C4BPA: variants seen among roughly 807,000 people sequenced by gnomAD.
C4BPA encodes C4b-binding protein alpha chain.
Under a neutral mutation model 63.7 loss-of-function variants are expected in C4BPA, and 31 were observed. The observed-to-expected ratio is 0.49, with a 90% CI of 0.37 to 0.66. C4BPA has a LOEUF of 0.66. Ranked by LOEUF, C4BPA falls within the 30% of genes least tolerant of loss-of-function variation. The pLI, the probability that C4BPA is intolerant of heterozygous loss-of-function variation, is 0.00. For missense variants in C4BPA, 572 were observed against 723.3 expected, an observed-to-expected ratio of 0.79 and a Z score of 2.40; for synonymous variants, 259 against 254.7, an observed-to-expected ratio of 1.02 and a Z score of -0.16.
At chr1:207,107,287 C>A (rs1454640713) in intron 1 of C4BPA, among the ~76,000 whole-genome samples, 1 of 152,162 alleles carries the variant, frequency 6.6e-6, no homozygotes, top group Non-Finnish European at 1.5e-5. Context: ...GTGGCTCACG[C>A]CTATAATTCC....
chr1:207,144,312 A>G (rs971570871), intron 11 of C4BPA, among the ~76,000 whole-genome samples: 2 of 152,192 alleles, frequency 1.3e-5, no homozygotes, highest in African/African-American at 4.8e-5. Context: ...ATGGTCAGCA[A>G]AAACAGCCTC....
intron 4 of C4BPA, among the ~76,000 whole-genome samples, chr1:207,116,097 T>C (rs967678278): frequency 1.3e-5 from 2 of 152,224 alleles, no homozygotes; most frequent in Non-Finnish European, 2.9e-5. Flanking sequence ...ATTTGAAAGA[T>C]ATTGTCAGAC....
chr1:207,125,633 C>T lies in C4BPA; in HGVS notation c.707-1080C>T, dbSNP rs77288011. ...TTTCATCCCTTCCCCCATGTGAGGA[C>T]GCAGCAAGAAGGCACCATCTTGAAA... On this transcript the variant is annotated intron_variant, in intron 6 of 11. Coordinates refer to ENST00000367070, the MANE Select transcript of C4BPA (RefSeq NM_000715.4). 4.7e-4 allele frequency among the ~76,000 whole-genome samples: 72 copies of T among 152,164 alleles called. 1 individual carries two copies. The East Asian group carries it at 0.01, about 22-fold the overall frequency.
At chr1:207,128,503 A>T (rs1317810242) in intron 7 of C4BPA, among the ~76,000 whole-genome samples, 2 of 152,186 alleles carry the variant, frequency 1.3e-5, no homozygotes, top group Non-Finnish European at 2.9e-5. Context: ...GAAGCATATT[A>T]TGCCCCAGGG....
intron 4 of C4BPA, among the ~76,000 whole-genome samples, chr1:207,116,400 T>G (rs980993565): frequency 2.0e-4 from 31 of 152,042 alleles, no homozygotes; most frequent in Non-Finnish European, 3.8e-4. Context: ...CTTTTTATTC[T>G]TAAGTTTTAG....
intron 9 of C4BPA, among the ~76,000 whole-genome samples, chr1:207,139,068 A>T (rs572738331): frequency 6.6e-6 from 1 of 152,330 alleles, no homozygotes; most frequent in Non-Finnish European, 1.5e-5. Flanking sequence ...TGACATGGGC[A>T]AGAGGGTTAT....
intron 9 of C4BPA, among the ~76,000 whole-genome samples, chr1:207,136,711 G>T (rs1020363557): frequency 1.3e-5 from 2 of 152,166 alleles, no homozygotes; most frequent in Non-Finnish European, 2.9e-5. Flanking sequence ...TTCAAAATAT[G>T]CTGAATTGGT....
At position 207,131,731 on chromosome 1, in the gene C4BPA, G is replaced by T. The variant is rs1685165857; in HGVS notation, c.1075G>T (p.Gly359Ter). The change falls in exon 8 of 12, where the codon GGA becomes TGA. Residue 359 changes from glycine (G) to a stop codon, truncating the protein, a stop_gained. Coordinates refer to ENST00000367070, the MANE Select transcript of C4BPA (RefSeq NM_000715.4). LOFTEE classifies it high-confidence loss of function. ...AAATTTGAGATGGACCCCATACCAA[G>T]GATGTGAGGGTGAGTTTTTGTTTTT... ...QKNLRWTPYQ[G>*]CEALCCPEPK... The T allele has an allele frequency of 6.2e-7, 1 of 1,607,354 alleles. No homozygotes were observed. The highest frequency in any genetic ancestry group is 8.5e-7 in the Non-Finnish European group (1 of 1,177,292).
At chr1:207,129,603 G>A (rs560854085) in intron 7 of C4BPA, among the ~76,000 whole-genome samples, 8 of 152,246 alleles carry the variant, frequency 5.3e-5, no homozygotes, top group Admixed American at 2.6e-4. Context: ...CATGTACAAT[G>A]TAACCCCAGT....
intron 8 of C4BPA, among the ~76,000 whole-genome samples, chr1:207,134,168 A>G (rs1685228715): frequency 1.3e-5 from 2 of 152,180 alleles, no homozygotes; most frequent in Admixed American, 6.5e-5. Context: ...GTTTAATCCA[A>G]CTTTTCATTT....
intron 8 of C4BPA, 47 bp downstream of exon 8, chr1:207,131,787 G>A: frequency 7.9e-7 from 1 of 1,262,964 alleles, no homozygotes; most frequent in Non-Finnish European, 1.1e-6. Context: ...TGTCCAGTAT[G>A]TGCTAGGATT....
chr1:207,107,692 A>T (rs2102326582), intron 1 of C4BPA, among the ~76,000 whole-genome samples: 1 of 152,364 alleles, frequency 6.6e-6, no homozygotes, highest in Middle Eastern at 3.4e-3. Flanking sequence ...GTTTTTAAGC[A>T]GAGTAACAAC....
At chr1:207,125,425 T>C (rs892605631) in intron 6 of C4BPA, among the ~76,000 whole-genome samples, 1 of 152,202 alleles carries the variant, frequency 6.6e-6, no homozygotes, top group Non-Finnish European at 1.5e-5. Context: ...ATGGCTTGAA[T>C]GTGCATCTCC....
intron 4 of C4BPA, among the ~76,000 whole-genome samples, chr1:207,117,695 CAA>C (rs1340442837): frequency 6.6e-6 from 1 of 152,084 alleles, no homozygotes; most frequent in Non-Finnish European, 1.5e-5. Context: ...GGTCTTTGTA[CAA>C]AGTTTCTTTG....
At chr1:207,116,286 A>T (rs1572778744) in intron 4 of C4BPA, among the ~76,000 whole-genome samples, 1 of 152,082 alleles carries the variant, frequency 6.6e-6, no homozygotes, top group East Asian at 1.9e-4. Flanking sequence ...ATTGTCAGGG[A>T]GGTTAAGTAT....
intron 4 of C4BPA, among the ~76,000 whole-genome samples, chr1:207,121,093 C>A (rs2102338026): frequency 6.6e-6 from 1 of 152,158 alleles, no homozygotes; most frequent in East Asian, 1.9e-4. Context: ...CAGGCATGAG[C>A]CACTGTTCTC....
chr1:207,121,343 C>T (rs1261670553), intron 4 of C4BPA, among the ~76,000 whole-genome samples: 2 of 152,124 alleles, frequency 1.3e-5, no homozygotes, highest in Non-Finnish European at 2.9e-5. Flanking sequence ...TAGCTCTTCA[C>T]TGAAAATCAA....
chr1:207,114,579 T>A (rs1474800837), intron 3 of C4BPA: 1 of 234,252 alleles, frequency 4.3e-6, no homozygotes, highest in Non-Finnish European at 8.1e-6. Flanking sequence ...CTGCAACCTC[T>A]GCCTCCTGGT....
At chr1:207,106,021 T>C (rs1299963931) in intron 1 of C4BPA, among the ~76,000 whole-genome samples, 5 of 152,236 alleles carry the variant, frequency 3.3e-5, no homozygotes. Flanking sequence ...CTAGGTTTAA[T>C]GTCATTATTT....
Sources: allele counts gnomAD v4.1 joint callset (sites outside exome capture counted in the v4.1 genomes callset), GRCh38; gene constraint gnomAD v4.1.1; transcripts MANE v1.5; gene names NCBI Gene and HGNC (gene_info 2026-07-23, HGNC 2026-07-21).